The following LRRC7 variants were observed in gnomAD, a reference collection of about 807,000 sequenced individuals.
The protein encoded by LRRC7 is leucine-rich repeat-containing protein 7.
A neutral mutation model predicts 175.7 loss-of-function variants in LRRC7; 23 were observed. That is an observed-to-expected ratio of 0.13 (90% CI 0.09 to 0.19). The LOEUF (loss-of-function observed/expected upper bound fraction) is 0.19. LRRC7 is among the 10% of genes least tolerant of loss of function. The probability of loss-of-function intolerance (pLI) is 1.00; values close to 1 mark genes in which losing one functional copy is unlikely to be tolerated. For synonymous variants in LRRC7, 685 were observed against 680.9 expected, an observed-to-expected ratio of 1.01 and a Z score of -0.09; for missense variants, 1,354 against 1,904.7, an observed-to-expected ratio of 0.71 and a Z score of 5.38.
chr1:69,688,235 G>A (rs112972840), intron 2 of LRRC7, among the ~76,000 whole-genome samples: 2,169 of 152,320 alleles, frequency 0.014, 26 homozygotes, highest in Non-Finnish European at 0.021. Context: ...AATGTAAGGA[G>A]TAGGGTTCAT....
intron 7 of LRRC7, among the ~76,000 whole-genome samples, chr1:69,864,860 G>A (rs1272229106): frequency 1.3e-5 from 2 of 152,124 alleles, no homozygotes; most frequent in Non-Finnish European, 2.9e-5. Flanking sequence ...GTATAATGCT[G>A]GCTGGGTCTT....
At position 70,142,447 on chromosome 1, in the gene LRRC7, AAG is replaced by A. The variant is rs1667100034; in HGVS notation, c.*20561_*20562del. 4 of 151,048 alleles carry A rather than the reference AAG, an allele frequency of 2.6e-5. No individual in the cohort carries two copies. Among genetic ancestry groups the A allele is most frequent in the Non-Finnish European group, 6.0e-5 (4 of 67,122 alleles). 9.4% of individuals were successfully genotyped at this position (151,048 alleles called of 1,614,324 possible). A position where few individuals can be genotyped will look rare whatever the true frequency, so the allele number is the denominator to read the frequency against. On this transcript the variant is annotated 3_prime_UTR_variant, in exon 27 of 27. Transcript: ENST00000651989. ...CTATTTTCTGTTTGAAATGAAGAGA[AAG>A]GTAATTGACAGATAAACAGATAGTT...
intron 23 of LRRC7, among the ~76,000 whole-genome samples, chr1:70,053,647 G>C (rs1161759706): frequency 6.6e-6 from 1 of 152,040 alleles, no homozygotes; most frequent in East Asian, 1.9e-4. Context: ...TTTTTATCTA[G>C]TAAGGTGTGC....
In LRRC7 at chr1:70,066,326, A is replaced by G. The variant is rs545349081; in HGVS notation, c.4231-9751A>G. On this transcript the variant is annotated intron_variant, in intron 23 of 26. Transcript: ENST00000651989. ...CATAAGATTGCATAACTAAAAAGTGACAAAGCAAGGAATAAAACTCAGGTT... is the reference window on the plus strand; with the variant it reads ...CATAAGATTGCATAACTAAAAAGTGGCAAAGCAAGGAATAAAACTCAGGTT... 2.0e-5 allele frequency among the ~76,000 whole-genome samples: 3 copies of G among 152,074 alleles called. No homozygotes were observed. The East Asian group carries it at 5.8e-4, about 29-fold the overall frequency.
At chr1:70,095,957 A>T (rs1333958408) in intron 25 of LRRC7, among the ~76,000 whole-genome samples, 1 of 151,910 alleles carries the variant, frequency 6.6e-6, no homozygotes, top group African/African-American at 2.4e-5. Context: ...ACATATATGC[A>T]TGTTGTTTTT....
chr1:69,837,380 T>C (rs549172774), intron 6 of LRRC7, among the ~76,000 whole-genome samples: 1 of 152,062 alleles, frequency 6.6e-6, no homozygotes, highest in African/African-American at 2.4e-5. Context: ...GAAATTATGC[T>C]TTACATGTAT....
At chr1:69,729,655 C>T (rs1281467482) in intron 2 of LRRC7, among the ~76,000 whole-genome samples, 1 of 152,216 alleles carries the variant, frequency 6.6e-6, no homozygotes, top group Non-Finnish European at 1.5e-5. Flanking sequence ...TACAGCCCCC[C>T]TCCAGGCTGC....
chr1:69,980,658 G>C (rs1026400925), intron 9 of LRRC7, among the ~76,000 whole-genome samples: 1 of 151,470 alleles, frequency 6.6e-6, no homozygotes, highest in Admixed American at 6.6e-5. Context: ...TATACAAAAC[G>C]TAAGAAAGAT....
intron 18 of LRRC7, among the ~76,000 whole-genome samples, chr1:70,030,746 G>A (rs1658633135): frequency 6.6e-6 from 1 of 152,086 alleles, no homozygotes; most frequent in Non-Finnish European, 1.5e-5. Context: ...ATGACCAGAA[G>A]TGGAAAACGG....
At chr1:69,754,936 G>C (rs1670241366) in intron 2 of LRRC7, among the ~76,000 whole-genome samples, 1 of 151,936 alleles carries the variant, frequency 6.6e-6, no homozygotes, top group Non-Finnish European at 1.5e-5. Context: ...AAGAAAAAAA[G>C]GGTACAATTA....
At chr1:69,858,800 T>A (rs530863300) in intron 7 of LRRC7, among the ~76,000 whole-genome samples, 1 of 152,272 alleles carries the variant, frequency 6.6e-6, no homozygotes, top group East Asian at 1.9e-4. Context: ...TCCTGAGTTA[T>A]CTGACCTCTA....
At chr1:69,686,145 A>G (rs1661111510) in intron 2 of LRRC7, among the ~76,000 whole-genome samples, 1 of 152,184 alleles carries the variant, frequency 6.6e-6, no homozygotes, top group South Asian at 2.1e-4. Flanking sequence ...TGAATCCTAT[A>G]TCCAACTAAA....
At chr1:69,905,567 T>C (rs976753338) in intron 7 of LRRC7, among the ~76,000 whole-genome samples, 1 of 152,192 alleles carries the variant, frequency 6.6e-6, no homozygotes, top group Admixed American at 6.6e-5. Context: ...TTCATCCATG[T>C]CTGTACAAAG....
At chr1:69,887,892 G>C (rs552948329) in intron 7 of LRRC7, among the ~76,000 whole-genome samples, 144 of 146,700 alleles carry the variant, frequency 9.8e-4, no homozygotes, top group Admixed American at 3.5e-3. Flanking sequence ...AGGTGTCAGT[G>C]TGCCCCTGCT....
At chr1:70,029,135 T>C (rs1658437581) in intron 18 of LRRC7, among the ~76,000 whole-genome samples, 1 of 152,174 alleles carries the variant, frequency 6.6e-6, no homozygotes, top group Non-Finnish European at 1.5e-5. Flanking sequence ...TTGTTGCATT[T>C]ATTAAACACC....
intron 7 of LRRC7, among the ~76,000 whole-genome samples, chr1:69,911,182 C>T (rs955587361): frequency 2.6e-5 from 4 of 151,584 alleles, no homozygotes; most frequent in Non-Finnish European, 4.4e-5. Context: ...TGCTTCGGCT[C>T]GCGCACGGTG....
At chr1:69,896,388 C>T (rs1198659948) in intron 7 of LRRC7, among the ~76,000 whole-genome samples, 2 of 152,190 alleles carry the variant, frequency 1.3e-5, no homozygotes, top group Non-Finnish European at 2.9e-5. Flanking sequence ...TCAAACACTA[C>T]ATCTTATTTC....
Position 69,724,943 on chromosome 1 carries a change from A to G in LRRC7, c.101-35248A>G, listed in dbSNP as rs115890348. 6.0e-3 allele frequency among the ~76,000 whole-genome samples: 920 copies of G among 152,256 alleles called. 14 individuals carry two copies. The highest frequency in any genetic ancestry group is 0.021 in the African/African-American group (883 of 41,554). ...GATAAGCTTATACTATTACAAATAC[A>G]GTTACCCTTGAACAACATAAGGGTT... On this transcript the variant is annotated intron_variant, in intron 2 of 26. Transcript: ENST00000651989.
At chr1:69,591,300 A>C (rs533183590) in intron 1 of LRRC7, among the ~76,000 whole-genome samples, 9 of 152,122 alleles carry the variant, frequency 5.9e-5, no homozygotes, top group Non-Finnish European at 1.2e-4. Context: ...CTTCCACAGA[A>C]TATACATTTT....
Sources: allele counts gnomAD v4.1 joint callset (sites outside exome capture counted in the v4.1 genomes callset), GRCh38; gene constraint gnomAD v4.1.1; transcripts MANE v1.5; gene names NCBI Gene and HGNC (gene_info 2026-07-23, HGNC 2026-07-21).